Variants in GTPBP6 observed in about 807,000 individuals in gnomAD.
GTPBP6 encodes putative GTP-binding protein 6.
GTPBP6 carries 33 observed loss-of-function variants against 28.9 expected under a neutral mutation model. That is an observed-to-expected ratio of 1.14 (90% CI 0.87 to 1.53). The LOEUF (loss-of-function observed/expected upper bound fraction) is 1.53, where lower values mean the gene tolerates loss of function less well. Ranked by LOEUF, GTPBP6 falls within the 40% of genes most tolerant of loss-of-function variation. GTPBP6 has a pLI of 0.00. For missense variants in GTPBP6, 507 were observed against 408.3 expected (o/e 1.24, Z -2.08); for synonymous variants, 231 against 192.7 (o/e 1.20, Z -1.65).
chrX:317,725 C>CACCCCACCCCACGG (rs2070465910), intron 1 of GTPBP6, among the ~76,000 whole-genome samples: 1 of 122,660 alleles, frequency 8.2e-6, no homozygotes, highest in African/African-American at 2.9e-5. Flanking sequence ...CACCCCACCC[C>CACCCCACCCCACGG]ACCCCACGGA....
chrX:308,585 T>A (rs1332137288), intron 7 of GTPBP6, among the ~76,000 whole-genome samples: 1 of 151,846 alleles, frequency 6.6e-6, no homozygotes, highest in Admixed American at 6.6e-5. Flanking sequence ...GAGGCTGAGG[T>A]GGGAGGATCA....
chrX:318,788 G>A (rs1398132960), exon 1 of GTPBP6: 7 of 305,918 alleles, frequency 2.3e-5, no homozygotes, highest in Admixed American at 1.0e-4. Context: ...GGGCCCACAT[G>A]GCGCGTCTGG....
intron 7 of GTPBP6, among the ~76,000 whole-genome samples, chrX:309,751 T>C (rs2070246550): frequency 7.3e-6 from 1 of 136,562 alleles, no homozygotes; most frequent in South Asian, 2.7e-4. Context: ...TGGATCCAAC[T>C]GAAGTGAACT....
rs1370538705 is a variant in GTPBP6, at chrX:307,156, ATTT to A, written c.1427+201_1427+203del. On this transcript the variant is annotated intron_variant, in intron 9 of 9. Transcript: ENST00000326153. ...GTTGTATGCACAGTCACAAATGTAG[ATTT>A]TGACTCTCAAGCGCAGATTAGGCAC... is the stretch of plus-strand genomic sequence containing the variant. Among the ~76,000 whole-genome samples the A allele has an allele frequency of 5.6e-5, 7 of 125,346 alleles. No homozygotes were observed. In the East Asian group the frequency reaches 1.3e-3, roughly 23 times the overall value. The allele number at this position is 125,346 out of a possible 152,430, so 82.2% of individuals were successfully genotyped here.
At chrX:317,435 G>A (rs1458436173) in intron 1 of GTPBP6, among the ~76,000 whole-genome samples, 131 of 151,998 alleles carry the variant, frequency 8.6e-4, no homozygotes, top group African/African-American at 3.0e-3. Flanking sequence ...CCAGGAATTA[G>A]CCATTTTGGA....
chrX:316,340 G>GACACACACAC (rs1168593634), intron 2 of GTPBP6, among the ~76,000 whole-genome samples: 20,909 of 94,832 alleles, frequency 0.22, 2,618 homozygotes, highest in South Asian at 0.38. Context: ...TCCCATTGGG[G>GACACACACAC]ACACACACAC....
chrX:315,574 A>G (rs2070416334), intron 2 of GTPBP6, among the ~76,000 whole-genome samples: 1 of 150,550 alleles, frequency 6.6e-6, no homozygotes, highest in African/African-American at 2.4e-5. Context: ...ACACACACAC[A>G]CACACACACA....
intron 5 of GTPBP6, among the ~76,000 whole-genome samples, chrX:313,811 T>C (rs776759465): frequency 9.2e-5 from 14 of 152,302 alleles, no homozygotes; most frequent in South Asian, 2.1e-4. Context: ...AGCGCAGCCC[T>C]GTCCTCACCT....
chrX:316,546 C>CT (rs2070444246), intron 2 of GTPBP6, among the ~76,000 whole-genome samples: 412 of 152,238 alleles, frequency 2.7e-3, no homozygotes, highest in African/African-American at 9.1e-3. Flanking sequence ...ATGCTGGACC[C>CT]CACCCTAAGA....
chrX:306,717 C>T (rs959639938), intron 9 of GTPBP6, among the ~76,000 whole-genome samples: 11 of 147,130 alleles, frequency 7.5e-5, no homozygotes, highest in African/African-American at 2.5e-4. Flanking sequence ...CTGTTGTATG[C>T]ACAGAAATGT....
intron 6 of GTPBP6, 33 bp downstream of exon 6, chrX:312,733 C>A (rs373188190): frequency 1.3e-6 from 2 of 1,565,680 alleles, no homozygotes; most frequent in Admixed American, 3.6e-5. Flanking sequence ...ACACGGAGAC[C>A]GCGGAAGGCC....
intron 6 of GTPBP6, 62 bp from the exon 7 acceptor site, chrX:311,689 A>G: frequency 2.2e-6 from 3 of 1,349,090 alleles, no homozygotes; most frequent in Non-Finnish European, 3.2e-6. Flanking sequence ...CTAGCGCCGC[A>G]GCCAGGCCCT....
At chrX:306,033 G>A (rs2070155193) in intron 9 of GTPBP6, among the ~76,000 whole-genome samples, 2 of 152,196 alleles carry the variant, frequency 1.3e-5, no homozygotes, top group Non-Finnish European at 2.9e-5. Flanking sequence ...CAAAGTCTTG[G>A]GGTTACAGGC....
chrX:318,691 C>T (rs1266681383), exon 1 of GTPBP6: 86 of 382,358 alleles, frequency 2.2e-4, no homozygotes, highest in Middle Eastern at 1.3e-3. Flanking sequence ...AGCGCGCGCG[C>T]GGGGCAGGAC....
exon 10 of GTPBP6, chrX:304,908 C>T: frequency 1.4e-6 from 2 of 1,449,228 alleles, no homozygotes; most frequent in Non-Finnish European, 1.8e-6. Flanking sequence ...GGCCGTGTCA[C>T]CGGCCTGCAC....
chrX:314,212 T>C (rs1446448025), exon 5 of GTPBP6: 3 of 1,613,304 alleles, frequency 1.9e-6, no homozygotes, highest in Non-Finnish European at 2.5e-6. Flanking sequence ...CCTTTTCAAG[T>C]TCGACCTGGT....
At chrX:311,738 C>G in intron 6 of GTPBP6, 111 bp from the exon 7 acceptor site, 1 of 861,876 alleles carries the variant, frequency 1.2e-6, no homozygotes, top group South Asian at 1.4e-5. Context: ...GGGCCGCACC[C>G]CGGGCTACAC....
chrX:315,180 CA>C, intron 3 of GTPBP6, 48 bp downstream of exon 3: 1 of 278,504 alleles, frequency 3.6e-6, no homozygotes, highest in Non-Finnish European at 6.0e-6. Flanking sequence ...TCCCCTCCTT[CA>C]TCGCGTGGAG....
chrX:317,569 T>TGGGGGTGGGGGGTGGGG (rs1187572118), intron 1 of GTPBP6, among the ~76,000 whole-genome samples: 1 of 117,548 alleles, frequency 8.5e-6, no homozygotes, highest in Non-Finnish European at 1.8e-5. Flanking sequence ...GGGTGGGGGG[T>TGGGGGTGGGGGGTGGGG]GGGACTAGAC....
Sources: gnomAD v4.1 joint callset for allele counts (sites outside exome capture counted in the v4.1 genomes callset) on GRCh38, gnomAD v4.1.1 for gene constraint, MANE v1.5 for transcripts, NCBI Gene and HGNC (gene_info 2026-07-23, HGNC 2026-07-21) for gene names.